The following PRSS38 variants were observed in gnomAD, a reference collection of about 807,000 sequenced individuals.
The protein encoded by PRSS38 is serine protease 38.
PRSS38 carries 22 observed loss-of-function variants against 26.8 expected under a neutral mutation model. The observed-to-expected ratio is 0.82, with a 90% CI of 0.59 to 1.17. PRSS38 has a LOEUF of 1.17. Ranked by LOEUF, PRSS38 falls within the 50% of genes most tolerant of loss-of-function variation. PRSS38 has a pLI of 0.00. For synonymous variants in PRSS38, 175 were observed against 172.1 expected (o/e 1.02, Z -0.13); for missense variants, 427 against 422.7 (o/e 1.01, Z -0.09).
chr1:227,839,426 C>T (rs552700110), intron 3 of PRSS38, among the ~76,000 whole-genome samples: 2 of 150,772 alleles, frequency 1.3e-5, no homozygotes, highest in African/African-American at 4.9e-5. Flanking sequence ...GCCATAATCA[C>T]ACCACTGCAC....
chr1:227,845,871 C>T, intron 4 of PRSS38, 83 bp from the exon 5 acceptor site: 1 of 1,551,998 alleles, frequency 6.4e-7, no homozygotes, highest in East Asian at 2.2e-5. Context: ...TGCACAGCCA[C>T]CCCCTTGCAC....
chr1:227,838,254 T>TTTTATA (rs1208461311), intron 3 of PRSS38, among the ~76,000 whole-genome samples: 1 of 152,346 alleles, frequency 6.6e-6, no homozygotes, highest in East Asian at 1.9e-4. Context: ...AATTTTTATA[T>TTTTATA]TTAGGCATAA....
intron 3 of PRSS38, among the ~76,000 whole-genome samples, chr1:227,841,573 G>A (rs1665338704): frequency 6.6e-6 from 1 of 152,144 alleles, no homozygotes; most frequent in Non-Finnish European, 1.5e-5. Context: ...TTATACTTTT[G>A]TTCTGCATTT....
chr1:227,830,191 A>T (rs1168094111), intron 3 of PRSS38, among the ~76,000 whole-genome samples: 1 of 152,116 alleles, frequency 6.6e-6, no homozygotes, highest in Non-Finnish European at 1.5e-5. Flanking sequence ...CAATTTGTTA[A>T]TACTTTGTTA....
intron 3 of PRSS38, among the ~76,000 whole-genome samples, chr1:227,818,389 G>A (rs1476680239): frequency 1.3e-5 from 2 of 152,050 alleles, no homozygotes; most frequent in Non-Finnish European, 2.9e-5. Context: ...CCAAGAATAG[G>A]CATTTAAGCT....
intron 3 of PRSS38, among the ~76,000 whole-genome samples, chr1:227,839,713 A>G (rs962743234): frequency 2.0e-5 from 3 of 152,128 alleles, no homozygotes; most frequent in South Asian, 2.1e-4. Flanking sequence ...TCGATGTGCC[A>G]CCACTCTTTT....
At chr1:227,840,401 G>T (rs1340575652) in intron 3 of PRSS38, among the ~76,000 whole-genome samples, 2 of 152,158 alleles carry the variant, frequency 1.3e-5, no homozygotes, top group African/African-American at 4.8e-5. Flanking sequence ...GGGGTTACAG[G>T]TGAGCCAGTG....
intron 3 of PRSS38, among the ~76,000 whole-genome samples, chr1:227,818,141 T>C (rs1572079642): frequency 6.6e-6 from 1 of 152,220 alleles, no homozygotes; most frequent in Non-Finnish European, 1.5e-5. Context: ...CCAGTAGAAA[T>C]GATGCCAGAT....
At chr1:227,819,466 T>C (rs1373539498) in intron 3 of PRSS38, among the ~76,000 whole-genome samples, 1 of 152,222 alleles carries the variant, frequency 6.6e-6, no homozygotes, top group Non-Finnish European at 1.5e-5. Context: ...TTTGATTTTG[T>C]CTATATCCAA....
At position 227,816,787 on chromosome 1, in the gene PRSS38, T is replaced by C. The variant is rs1664924996; in HGVS notation, c.312-422T>C. Among the ~76,000 whole-genome samples, 1 of 152,148 alleles carries C rather than the reference T, an allele frequency of 6.6e-6. No homozygotes were observed. Among genetic ancestry groups the C allele is most frequent in the African/African-American group, 2.4e-5 (1 of 41,430 alleles). On this transcript the variant is annotated intron_variant, in intron 2 of 4. Coordinates refer to ENST00000366757, the Ensembl canonical transcript of PRSS38. This position sits in a 1 kb window ranked among gnomAD's most constrained non-coding sequence, Gnocchi z 5.1. ...GCTGCTCCTCAAGTGCACAGCCAGG[T>C]CCTCATAAGCAAGGCTGGTCTCTAA... is the stretch of plus-strand genomic sequence containing the variant.
At chr1:227,839,289 A>G (rs993004917) in intron 3 of PRSS38, among the ~76,000 whole-genome samples, 5 of 152,036 alleles carry the variant, frequency 3.3e-5, no homozygotes, top group Admixed American at 3.3e-4. Context: ...GTGAGACCCC[A>G]TCCCTACAAA....
chr1:227,825,361 T>C (rs1665058587), intron 3 of PRSS38, among the ~76,000 whole-genome samples: 1 of 152,072 alleles, frequency 6.6e-6, no homozygotes, highest in Non-Finnish European at 1.5e-5. Context: ...CCAGCTAGTT[T>C]TTGTATTTTT....
At chr1:227,830,254 TG>T (rs1665133542) in intron 3 of PRSS38, among the ~76,000 whole-genome samples, 1 of 152,136 alleles carries the variant, frequency 6.6e-6, no homozygotes, top group Non-Finnish European at 1.5e-5. Flanking sequence ...TTTCTTGTGA[TG>T]TTTTTGTCTG....
chr1:227,842,254 A>G (rs12129350), intron 3 of PRSS38, among the ~76,000 whole-genome samples: 16,022 of 152,178 alleles, frequency 0.11, 899 homozygotes, highest in African/African-American at 0.12. Context: ...CCCAAGTCAT[A>G]TCCATGCTTC....
chr1:227,822,358 T>A (rs566406449), intron 3 of PRSS38, among the ~76,000 whole-genome samples: 1 of 152,236 alleles, frequency 6.6e-6, no homozygotes, highest in Admixed American at 6.5e-5. Context: ...TTTGTTTTCT[T>A]AAGTGGGCCA....
At chr1:227,834,000 A>G (rs1348648516) in intron 3 of PRSS38, among the ~76,000 whole-genome samples, 1 of 152,210 alleles carries the variant, frequency 6.6e-6, no homozygotes, top group African/African-American at 2.4e-5. Context: ...GCCTTGTCCA[A>G]TATGACTGAA....
chr1:227,832,687 A>T (rs1323775979), intron 3 of PRSS38, among the ~76,000 whole-genome samples: 1 of 152,244 alleles, frequency 6.6e-6, no homozygotes, highest in Non-Finnish European at 1.5e-5. Context: ...TAAACAAAAG[A>T]AATTCACTTT....
intron 3 of PRSS38, among the ~76,000 whole-genome samples, chr1:227,829,902 C>T (rs927000804): frequency 3.3e-5 from 5 of 152,038 alleles, no homozygotes; most frequent in African/African-American, 1.2e-4. Context: ...GGAAATGTTT[C>T]GTCTTTCACC....
chr1:227,817,372 C>G, exon 3 of PRSS38: 1 of 1,614,170 alleles, frequency 6.2e-7, no homozygotes, highest in South Asian at 1.1e-5. Context: ...GCTGAAGACC[C>G]GCATTGTGTT....
Sources: gnomAD v4.1 joint callset for allele counts (sites outside exome capture counted in the v4.1 genomes callset) on GRCh38, gnomAD v4.1.1 for gene constraint, Gnocchi (gnomAD v3.1) non-coding constraint, MANE v1.5 for transcripts, NCBI Gene and HGNC (gene_info 2026-07-23, HGNC 2026-07-21) for gene names.